The following STK32C variants were observed in gnomAD, a reference collection of about 807,000 sequenced individuals.
STK32C encodes the protein serine/threonine-protein kinase 32C.
Under a neutral mutation model 56.5 loss-of-function variants are expected in STK32C, and 31 were observed. That is an observed-to-expected ratio of 0.55 (90% CI 0.41 to 0.74). The LOEUF (loss-of-function observed/expected upper bound fraction) is 0.74, where lower values mean the gene tolerates loss of function less well. Ranked by LOEUF, STK32C falls within the 30% of genes least tolerant of loss-of-function variation. The probability of loss-of-function intolerance (pLI) is 0.00; values close to 1 mark genes in which losing one functional copy is unlikely to be tolerated. For synonymous variants in STK32C, 309 were observed against 289.4 expected (o/e 1.07, Z -0.69); for missense variants, 544 against 676.9 (o/e 0.80, Z 2.18).
At chr10:132,327,331 G>A (rs770262778) in intron 1 of STK32C, among the ~76,000 whole-genome samples, 2 of 152,094 alleles carry the variant, frequency 1.3e-5, no homozygotes, top group Non-Finnish European at 2.9e-5. Flanking sequence ...AGGCCTCCCC[G>A]GCCATGTGGA....
At chr10:132,236,683 T>G (rs1438967242) in intron 2 of STK32C, among the ~76,000 whole-genome samples, 2 of 152,160 alleles carry the variant, frequency 1.3e-5, no homozygotes, top group African/African-American at 4.8e-5. Flanking sequence ...CCCACCCCAG[T>G]GGCTCCAGCC....
intron 9 of STK32C, 30 bp downstream of exon 9, chr10:132,222,831 G>T: frequency 6.3e-7 from 1 of 1,591,024 alleles, no homozygotes. Flanking sequence ...CATCCCCAGG[G>T]CCCCCCACCT....
At chr10:132,330,285 C>A in intron 1 of STK32C, 1 of 603,136 alleles carries the variant, frequency 1.7e-6, no homozygotes, top group South Asian at 1.9e-5. Context: ...AGGGAATACG[C>A]TCAAATGGTT....
chr10:132,207,867 G>A lies in STK32C; in HGVS notation c.*143C>T, dbSNP rs1271747112. The A allele has an allele frequency of 1.0e-6, 1 of 980,452 alleles. No homozygotes were observed. Among genetic ancestry groups the A allele is most frequent in the Non-Finnish European group, 1.3e-6 (1 of 756,476 alleles). The allele number at this position is 980,452 out of a possible 1,614,324, so 60.7% of individuals were successfully genotyped here. On this transcript the variant is annotated 3_prime_UTR_variant, in exon 12 of 12. Transcript: ENST00000298630. ...GTCCCCTGCACCACCACGAGCCTGAGGTGTGAAATGTGTCCGGGGCACTGT... is the reference window on the plus strand; with the variant it reads ...GTCCCCTGCACCACCACGAGCCTGAAGTGTGAAATGTGTCCGGGGCACTGT...
intron 2 of STK32C, among the ~76,000 whole-genome samples, chr10:132,231,863 G>A (rs1021973500): frequency 1.3e-5 from 2 of 152,198 alleles, no homozygotes; most frequent in Non-Finnish European, 2.9e-5. Context: ...GCCACCAGAC[G>A]CCGGGAGAAG....
chr10:132,210,237 C>T (rs566005947), intron 10 of STK32C, among the ~76,000 whole-genome samples: 78 of 152,308 alleles, frequency 5.1e-4, no homozygotes, highest in Non-Finnish European at 8.7e-4. Flanking sequence ...GTCTGTGCCT[C>T]GAACACCTGG....
At chr10:132,278,214 T>G (rs2065045056) in intron 1 of STK32C, among the ~76,000 whole-genome samples, 1 of 152,032 alleles carries the variant, frequency 6.6e-6, no homozygotes, top group Non-Finnish European at 1.5e-5. Flanking sequence ...CCACCTCATG[T>G]CCAGTGACAG....
downstream of STK32C, among the ~76,000 whole-genome samples, chr10:132,321,489 G>A (rs2066406641): frequency 1.3e-5 from 2 of 152,106 alleles, no homozygotes; most frequent in Admixed American, 1.3e-4. Context: ...CCCCAAACTA[G>A]TCCCAGAGCC....
In STK32C at chr10:132,307,738, G is replaced by T; in HGVS notation, c.96C>A (p.Pro32=). The change falls in exon 1 of 12, where the codon CCC becomes CCA. Residue 32 remains proline (P), a synonymous_variant. Coordinates refer to ENST00000298630, the MANE Select transcript of STK32C (RefSeq NM_173575.4). The surrounding 1 kb of genome is among the most constrained non-coding windows in gnomAD (Gnocchi z 4.4). The stretch of plus-strand genomic sequence containing the variant: ...CAGCAGCGGGCGGCGGCAGGGCCGA[G>T]GGCGCGTCGGAGCCGGCGGGGCGCG... ...GRARPAGSDA[P]SALPPPAAGQ... 9.0e-7 allele frequency: 1 copy of T among 1,115,994 alleles called. No individual in the cohort carries two copies. Among genetic ancestry groups the T allele is most frequent in the Non-Finnish European group, 1.1e-6 (1 of 913,324 alleles). The allele number at this position is 1,115,994 out of a possible 1,614,324, so 69.1% of individuals were successfully genotyped here.
chr10:132,273,813 G>C (rs1201750958), intron 1 of STK32C, among the ~76,000 whole-genome samples: 1 of 151,254 alleles, frequency 6.6e-6, no homozygotes, highest in Non-Finnish European at 1.5e-5. Flanking sequence ...AATGAGGTGA[G>C]CAAATGAGAG....
At chr10:132,266,029 A>G (rs1323299877) in intron 1 of STK32C, among the ~76,000 whole-genome samples, 1 of 152,242 alleles carries the variant, frequency 6.6e-6, no homozygotes, top group African/African-American at 2.4e-5. Context: ...CGTCTACCCA[A>G]GAATGTGCTT....
chr10:132,246,474 G>A (rs968930903), intron 1 of STK32C, among the ~76,000 whole-genome samples: 8 of 152,218 alleles, frequency 5.3e-5, no homozygotes, highest in East Asian at 1.9e-4. Flanking sequence ...GTCTGCAAAC[G>A]GCCCCAAGAT....
chr10:132,218,405 T>C (rs1159274895), intron 10 of STK32C, among the ~76,000 whole-genome samples: 3 of 152,202 alleles, frequency 2.0e-5, no homozygotes, highest in Non-Finnish European at 2.9e-5. Flanking sequence ...TTTTAAAACA[T>C]TTGGATAGAC....
intron 1 of STK32C, among the ~76,000 whole-genome samples, chr10:132,260,246 C>T (rs535763821): frequency 6.6e-6 from 1 of 152,346 alleles, no homozygotes; most frequent in South Asian, 2.1e-4. Context: ...TGGCCCCTGG[C>T]CCTGCTCAGC....
intron 1 of STK32C, among the ~76,000 whole-genome samples, chr10:132,306,598 CAAGTA>C (rs1200363829): frequency 2.0e-5 from 3 of 152,238 alleles, no homozygotes; most frequent in African/African-American, 4.8e-5. Context: ...TTATTTATCG[CAAGTA>C]AATAGCCTGG....
intron 1 of STK32C, among the ~76,000 whole-genome samples, chr10:132,313,814 G>C (rs1336646162): frequency 6.6e-6 from 1 of 152,252 alleles, no homozygotes; most frequent in Non-Finnish European, 1.5e-5. Context: ...AGATGACAAG[G>C]ACCAGGTCAA....
At chr10:132,253,651 G>A (rs561143259) in intron 1 of STK32C, among the ~76,000 whole-genome samples, 4 of 151,634 alleles carry the variant, frequency 2.6e-5, no homozygotes, top group African/African-American at 7.3e-5. Flanking sequence ...GGAGGGAGTC[G>A]AGAGAGCTAG....
At chr10:132,249,580 G>C (rs1051200003) in intron 1 of STK32C, among the ~76,000 whole-genome samples, 2 of 152,192 alleles carry the variant, frequency 1.3e-5, no homozygotes, top group Non-Finnish European at 2.9e-5. Flanking sequence ...GACCCCGCAA[G>C]GTGAGTCAGG....
chr10:132,259,006 G>A (rs546511553), intron 1 of STK32C, among the ~76,000 whole-genome samples: 2 of 152,166 alleles, frequency 1.3e-5, no homozygotes, highest in Admixed American at 6.5e-5. Flanking sequence ...GACAACACAT[G>A]AACAGGGCTA....
Sources: gnomAD v4.1 joint callset for allele counts (sites outside exome capture counted in the v4.1 genomes callset) on GRCh38, gnomAD v4.1.1 for gene constraint, Gnocchi (gnomAD v3.1) non-coding constraint, MANE v1.5 for transcripts, NCBI Gene and HGNC (gene_info 2026-07-23, HGNC 2026-07-21) for gene names.